The following BAZ2B variants were observed in gnomAD, a reference collection of about 807,000 sequenced individuals.
BAZ2B encodes the protein bromodomain adjacent to zinc finger domain 2B.
A neutral mutation model predicts 246.0 loss-of-function variants in BAZ2B; 91 were observed. The ratio of observed to expected loss-of-function variants is 0.37; its 90% CI spans 0.31 to 0.44. BAZ2B has a LOEUF of 0.44. BAZ2B is among the 20% of genes least tolerant of loss of function. BAZ2B has a pLI of 1.00. For missense variants in BAZ2B, 2,332 were observed against 2,533.7 expected, an observed-to-expected ratio of 0.92 and a Z score of 1.71; for synonymous variants, 855 against 860.0, an observed-to-expected ratio of 0.99 and a Z score of 0.10.
At chr2:159,417,560 C>G (rs1011167354) in intron 13 of BAZ2B, among the ~76,000 whole-genome samples, 2 of 150,468 alleles carry the variant, frequency 1.3e-5, no homozygotes, top group Non-Finnish European at 3.0e-5. Context: ...TCTATAAATA[C>G]TACAAAGAGA....
At chr2:159,598,064 G>A (rs1235463510) in intron 1 of BAZ2B, among the ~76,000 whole-genome samples, 1 of 150,324 alleles carries the variant, frequency 6.7e-6, no homozygotes, top group Non-Finnish European at 1.5e-5. Flanking sequence ...CACGATCTCT[G>A]CTCACTGCAA....
At chr2:159,566,080 G>A (rs559646891) in intron 1 of BAZ2B, among the ~76,000 whole-genome samples, 1 of 152,132 alleles carries the variant, frequency 6.6e-6, no homozygotes, top group East Asian at 1.9e-4. Context: ...GGCTCAATCT[G>A]GGCTCACAGC....
chr2:159,336,912 T>C lies in BAZ2B; in HGVS notation c.5796+30A>G, dbSNP rs548930056. 2.0e-6 allele frequency: 3 copies of C among 1,527,866 alleles called. No individual in the cohort carries two copies. In the East Asian group the frequency reaches 7.1e-5, roughly 36 times the overall value. 94.6% of individuals were successfully genotyped at this position (1,527,866 alleles called of 1,614,324 possible). ...GAAGAAACAGGACAAAGTAAATTAG[T>C]TATAATATTTCTTAAATAAAAACAC... is the stretch of plus-strand genomic sequence containing the variant. On this transcript the variant is annotated intron_variant, in intron 33 of 36. Coordinates refer to ENST00000392783, the MANE Select transcript of BAZ2B (RefSeq NM_013450.4).
At chr2:159,498,229 AAAG>A (rs2081358943) in intron 2 of BAZ2B, among the ~76,000 whole-genome samples, 1 of 152,234 alleles carries the variant, frequency 6.6e-6, no homozygotes, top group South Asian at 2.1e-4. Flanking sequence ...AGGAGAATAC[AAAG>A]AAGAAAATAT....
chr2:159,543,793 C>G (rs918440921), intron 2 of BAZ2B, among the ~76,000 whole-genome samples: 1 of 152,234 alleles, frequency 6.6e-6, no homozygotes, highest in Non-Finnish European at 1.5e-5. Context: ...CTTGGCCTCC[C>G]AAAGTGCTGG....
At chr2:159,679,254 A>AGAGT in the BAZ2B span, among the ~76,000 whole-genome samples, 1 of 125,266 alleles carries the variant, frequency 8.0e-6, no homozygotes, top group Admixed American at 9.8e-5. Context: ...CCTGGGTGAC[A>AGAGT]GAGTGAGACT....
intron 1 of BAZ2B, among the ~76,000 whole-genome samples, chr2:159,559,052 C>T (rs2089543274): frequency 6.6e-6 from 1 of 152,012 alleles, no homozygotes; most frequent in South Asian, 2.1e-4. Context: ...CCAGCCTGGG[C>T]AACATGGTGA....
intron 33 of BAZ2B, among the ~76,000 whole-genome samples, chr2:159,333,971 T>C (rs1378969221): frequency 6.6e-6 from 1 of 152,174 alleles, no homozygotes. Flanking sequence ...TCACCATCAC[T>C]GAATACCTTA....
intron 20 of BAZ2B, among the ~76,000 whole-genome samples, chr2:159,393,443 A>T (rs1179658000): frequency 2.6e-5 from 4 of 152,190 alleles, no homozygotes; most frequent in Middle Eastern, 3.2e-3. Flanking sequence ...ATTTTAACAC[A>T]GTTGCCCTGC....
At chr2:159,414,537 C>A (rs2067331178) in intron 13 of BAZ2B, among the ~76,000 whole-genome samples, 1 of 152,098 alleles carries the variant, frequency 6.6e-6, no homozygotes, top group Non-Finnish European at 1.5e-5. Context: ...TCTCATGTGG[C>A]CGGGCGCGGT....
intron 2 of BAZ2B, among the ~76,000 whole-genome samples, chr2:159,496,174 G>A (rs931696914): frequency 1.1e-4 from 16 of 149,190 alleles, no homozygotes; most frequent in African/African-American, 3.9e-4. Flanking sequence ...AGAAGATCGA[G>A]ACCAGCCTGG....
At chr2:159,676,665 A>G in the BAZ2B span, among the ~76,000 whole-genome samples, 2 of 151,588 alleles carry the variant, frequency 1.3e-5, no homozygotes, top group Non-Finnish European at 2.9e-5. Flanking sequence ...ACACACACAC[A>G]CACACACACA....
In BAZ2B at chr2:159,353,999, C is replaced by A. The variant is rs906544038; in HGVS notation, c.4214-3642G>T. On this transcript the variant is annotated intron_variant, in intron 27 of 36. Transcript: ENST00000392783. ...CATCCAATCAAAGTTAGCAGGCATG[C>A]AAAGAAGAAAAAAAAACAAGACATA... 9.9e-5 allele frequency among the ~76,000 whole-genome samples: 15 copies of A among 151,126 alleles called. 1 individual carries two copies. The South Asian group carries it at 2.1e-3, about 21-fold the overall frequency.
At chr2:159,343,638 T>C (rs1198774184) in intron 31 of BAZ2B, among the ~76,000 whole-genome samples, 1 of 151,612 alleles carries the variant, frequency 6.6e-6, no homozygotes, top group East Asian at 1.9e-4. Flanking sequence ...AACAAATATA[T>C]GAAAAAATGC....
chr2:159,335,767 T>C lies in BAZ2B; in HGVS notation c.5796+1175A>G, dbSNP rs150088458. Among the ~76,000 whole-genome samples, 7 of 152,312 alleles carry C rather than the reference T, an allele frequency of 4.6e-5. No individual in the cohort carries two copies. In the East Asian group the frequency reaches 1.4e-3, roughly 29 times the overall value. On this transcript the variant is annotated intron_variant, in intron 33 of 36. Coordinates refer to ENST00000392783, the MANE Select transcript of BAZ2B (RefSeq NM_013450.4). ...TCTAAGTTATTTAAGAATCAATTCT[T>C]TTCTTCAGGGAAACAACCATTTTAA...
chr2:159,325,539 A>C (rs2063595225), intron 35 of BAZ2B, 114 bp downstream of exon 35: 1 of 1,160,538 alleles, frequency 8.6e-7, no homozygotes, highest in Non-Finnish European at 1.2e-6. Flanking sequence ...TTTATGCTTT[A>C]CATTTTTTTA....
chr2:159,493,718 ACT>A (rs1201037691), intron 2 of BAZ2B, among the ~76,000 whole-genome samples: 1 of 152,144 alleles, frequency 6.6e-6, no homozygotes, highest in East Asian at 1.9e-4. Flanking sequence ...ACCTGAAATA[ACT>A]CTCATTACAT....
chr2:159,369,804 T>C (rs1361944076), intron 27 of BAZ2B, among the ~76,000 whole-genome samples: 1 of 152,208 alleles, frequency 6.6e-6, no homozygotes, highest in East Asian at 1.9e-4. Flanking sequence ...GTCTTTGCTA[T>C]TGTGAGTAGT....
At chr2:159,478,763 A>T (rs2078918132) in intron 2 of BAZ2B, 42 bp from the exon 3 acceptor site, 1 of 1,387,756 alleles carries the variant, frequency 7.2e-7, no homozygotes, top group African/African-American at 1.5e-5. Flanking sequence ...TCAGATAAAA[A>T]ATTTTTTCAA....
Sources: allele counts gnomAD v4.1 joint callset (sites outside exome capture counted in the v4.1 genomes callset), GRCh38; gene constraint gnomAD v4.1.1; transcripts MANE v1.5; gene names NCBI Gene and HGNC (gene_info 2026-07-23, HGNC 2026-07-21).